KCNH5: variants seen among roughly 807,000 people sequenced by gnomAD.
KCNH5 encodes potassium voltage-gated channel subfamily H member 5, also known as voltage-gated delayed rectifier potassium channel KCNH5.
A neutral mutation model predicts 96.1 loss-of-function variants in KCNH5; 46 were observed. The observed-to-expected ratio is 0.48, with a 90% CI of 0.38 to 0.61. KCNH5 has a LOEUF of 0.61. Among genes scored for constraint, KCNH5 ranks in the 20% least tolerant of loss-of-function variants. KCNH5 has a pLI of 0.00. For missense variants in KCNH5, 907 were observed against 1,225.8 expected, an observed-to-expected ratio of 0.74 and a Z score of 3.88; for synonymous variants, 439 against 449.8, an observed-to-expected ratio of 0.98 and a Z score of 0.30.
At chr14:62,999,328 T>C (rs1389102210) in intron 4 of KCNH5, among the ~76,000 whole-genome samples, 2 of 152,234 alleles carry the variant, frequency 1.3e-5, no homozygotes, top group African/African-American at 2.4e-5. Context: ...GCTGCATAAA[T>C]GTCTTCTTTT....
intron 9 of KCNH5, among the ~76,000 whole-genome samples, chr14:62,780,998 GAACT>G (rs752282830): frequency 4.6e-5 from 7 of 151,380 alleles, no homozygotes; most frequent in Non-Finnish European, 7.4e-5. Flanking sequence ...ATTAAAATCA[GAACT>G]AACAGGAAAA....
In KCNH5 at chr14:62,981,275, G is replaced by A. The variant is rs368371920; in HGVS notation, c.550-11C>T. ...TCCCAGCTGAAGAACCTAAAAGAGAGAAAATGTATTTATACATGACTAGGT... is the reference window on the plus strand; with the variant it reads ...TCCCAGCTGAAGAACCTAAAAGAGAAAAAATGTATTTATACATGACTAGGT... On this transcript the variant is annotated splice_polypyrimidine_tract_variant and intron_variant, in intron 5 of 10. Coordinates refer to ENST00000322893, the MANE Select transcript of KCNH5 (RefSeq NM_139318.5). 1 of 1,613,036 alleles carries A rather than the reference G, an allele frequency of 6.2e-7. No homozygotes were observed. The highest frequency in any genetic ancestry group is 8.5e-7 in the Non-Finnish European group (1 of 1,179,510).
chr14:63,018,154 G>T (rs1441137636), intron 1 of KCNH5, among the ~76,000 whole-genome samples: 1 of 151,940 alleles, frequency 6.6e-6, no homozygotes, highest in Non-Finnish European at 1.5e-5. Context: ...AACTGGAAAA[G>T]ATAAACCCTT....
At chr14:62,849,597 T>A (rs551118413) in intron 8 of KCNH5, 56 bp downstream of exon 8, 1 of 1,404,968 alleles carries the variant, frequency 7.1e-7, no homozygotes, top group Non-Finnish European at 1.0e-6. Context: ...AAAAGCTTAA[T>A]GCATCTGAAG....
intron 8 of KCNH5, among the ~76,000 whole-genome samples, chr14:62,822,601 C>T (rs556171964): frequency 2.0e-5 from 3 of 151,918 alleles, no homozygotes; most frequent in African/African-American, 7.2e-5. Flanking sequence ...TTAACCTCAA[C>T]CTAACCCTCA....
intron 7 of KCNH5, among the ~76,000 whole-genome samples, chr14:62,886,091 T>C (rs1888589821): frequency 6.6e-6 from 1 of 150,938 alleles, no homozygotes; most frequent in Non-Finnish European, 1.5e-5. Context: ...GCTGAACACT[T>C]CTCTCCTTGA....
At chr14:63,020,378 C>T (rs939823192) in intron 1 of KCNH5, among the ~76,000 whole-genome samples, 4 of 151,986 alleles carry the variant, frequency 2.6e-5, no homozygotes, top group Non-Finnish European at 5.9e-5. Context: ...GATTTATTCA[C>T]AGTAGCCAAA....
rs142169281 is a variant in KCNH5 at position 63,033,671 on chromosome 14, T to C, written c.73+11443A>G. On this transcript the variant is annotated intron_variant, in intron 1 of 10. Coordinates refer to ENST00000322893, the MANE Select transcript of KCNH5 (RefSeq NM_139318.5). ...TGTACACTCACAAATGTTTTATGAA[T>C]ATATCAAATAAAAAATTCTGCTTCC... Among the ~76,000 whole-genome samples, 727 of 152,266 alleles carry C rather than the reference T, an allele frequency of 4.8e-3. 6 individuals carry two copies. The highest frequency in any genetic ancestry group is 4.8e-3 in the Non-Finnish European group (329 of 68,022).
At chr14:63,019,763 G>A (rs1891391469) in intron 1 of KCNH5, among the ~76,000 whole-genome samples, 2 of 151,984 alleles carry the variant, frequency 1.3e-5, no homozygotes. Context: ...TTGCAATCAT[G>A]AGGAAGACAA....
In KCNH5 at chr14:62,708,429, C is replaced by A; in HGVS notation, c.2046G>T (p.Val682=). 1 of 1,604,624 alleles carries A rather than the reference C, an allele frequency of 6.2e-7. No individual in the cohort carries two copies. The highest frequency in any genetic ancestry group is 8.5e-7 in the Non-Finnish European group (1 of 1,177,976). Residue 682 remains valine, a synonymous_variant, in exon 11 of 11, where the codon GTG becomes GTT. Coordinates refer to ENST00000322893, the MANE Select transcript of KCNH5 (RefSeq NM_139318.5). ...GGAGGCGCTCCTCCTCCTCTTTCTT[C>A]ACATCACTGATCTTACGAAAGATGA... The part of the protein sequence containing the change: ...KRIIFRKISD[V]KKEEEERLRQ...
chr14:62,812,760 TC>T (rs1255611969), intron 8 of KCNH5, among the ~76,000 whole-genome samples: 1 of 152,016 alleles, frequency 6.6e-6, no homozygotes. Context: ...AAAATAAAAA[TC>T]ATAGAGGAAA....
intron 6 of KCNH5, among the ~76,000 whole-genome samples, chr14:62,965,932 C>T (rs10149376): frequency 0.4 from 60,742 of 151,896 alleles, 12,670 homozygotes; most frequent in African/African-American, 0.47. Context: ...TCATATTGAA[C>T]ATAAAATTGA....
At chr14:62,716,889 T>C (rs1193293453) in intron 10 of KCNH5, among the ~76,000 whole-genome samples, 2 of 152,110 alleles carry the variant, frequency 1.3e-5, no homozygotes, top group African/African-American at 2.4e-5. Context: ...ATCATGCATA[T>C]AGAAAATCTT....
intron 8 of KCNH5, among the ~76,000 whole-genome samples, chr14:62,818,280 A>G (rs532441984): frequency 6.6e-6 from 1 of 152,220 alleles, no homozygotes; most frequent in East Asian, 1.9e-4. Flanking sequence ...AGATATGTTA[A>G]TTAGCTTGCT....
intron 6 of KCNH5, among the ~76,000 whole-genome samples, chr14:62,956,985 T>C (rs1890116484): frequency 2.6e-5 from 4 of 152,212 alleles, no homozygotes; most frequent in Non-Finnish European, 5.9e-5. Context: ...GAGCTATTAG[T>C]ACACAAATCC....
intron 10 of KCNH5, among the ~76,000 whole-genome samples, chr14:62,723,634 A>G (rs1448226594): frequency 6.6e-6 from 1 of 152,260 alleles, no homozygotes; most frequent in East Asian, 1.9e-4. Flanking sequence ...TTTCTGGATG[A>G]AAAGTGTGGG....
chr14:62,730,055 T>C (rs1021199318), intron 10 of KCNH5, among the ~76,000 whole-genome samples: 2 of 152,204 alleles, frequency 1.3e-5, no homozygotes, highest in African/African-American at 4.8e-5. Context: ...ACCTGATGAA[T>C]TTTCTGTGAA....
intron 7 of KCNH5, among the ~76,000 whole-genome samples, chr14:62,873,329 AAGGAC>A (rs1888297786): frequency 6.6e-6 from 1 of 152,206 alleles, no homozygotes. Flanking sequence ...AGGATACATG[AAGGAC>A]AGCTCTTTAT....
chr14:62,935,281 G>A (rs908402092), intron 7 of KCNH5, among the ~76,000 whole-genome samples: 3 of 152,146 alleles, frequency 2.0e-5, no homozygotes, highest in African/African-American at 7.2e-5. Flanking sequence ...CTTCAAGGAG[G>A]ATTTACTGAG....
Sources: allele counts gnomAD v4.1 joint callset (sites outside exome capture counted in the v4.1 genomes callset), GRCh38; gene constraint gnomAD v4.1.1; transcripts MANE v1.5; gene names NCBI Gene and HGNC (gene_info 2026-07-23, HGNC 2026-07-21).